The following FAM135A variants were observed in gnomAD, a reference collection of about 807,000 sequenced individuals.
The protein encoded by FAM135A is family with sequence similarity 135 member A, also known as protein FAM135A.
Under a neutral mutation model 146.8 loss-of-function variants are expected in FAM135A, and 79 were observed. The observed-to-expected ratio is 0.54, with a 90% CI of 0.45 to 0.65. FAM135A has a LOEUF of 0.65. FAM135A is among the 30% of genes least tolerant of loss of function. The pLI is 0.00. For synonymous variants in FAM135A, 562 were observed against 603.6 expected (o/e 0.93, Z 1.01); for missense variants, 1,623 against 1,758.2 (o/e 0.92, Z 1.38).
intron 16 of FAM135A, among the ~76,000 whole-genome samples, chr6:70,529,371 G>A (rs1445923281): frequency 6.7e-6 from 1 of 148,290 alleles, no homozygotes; most frequent in Non-Finnish European, 1.5e-5. Flanking sequence ...CTAGATTTTT[G>A]TGGATTATGA....
chr6:70,455,806 G>C (rs1778238194), intron 5 of FAM135A, among the ~76,000 whole-genome samples: 1 of 150,078 alleles, frequency 6.7e-6, no homozygotes, highest in Admixed American at 6.6e-5. Context: ...AGATATGTTT[G>C]TTCCTTATTA....
chr6:70,417,361 A>G (rs1767794745), intron 2 of FAM135A, among the ~76,000 whole-genome samples: 1 of 150,900 alleles, frequency 6.6e-6, no homozygotes, highest in Non-Finnish European at 1.5e-5. Flanking sequence ...TTACATGCCC[A>G]GGCCACCACA....
At chr6:70,554,858 C>G (rs1800533006) in intron 20 of FAM135A, among the ~76,000 whole-genome samples, 1 of 152,164 alleles carries the variant, frequency 6.6e-6, no homozygotes, top group South Asian at 2.1e-4. Flanking sequence ...AACTCCTGAC[C>G]TCAGGTGATC....
At position 70,486,247 on chromosome 6, in the gene FAM135A, A is replaced by G. The variant is rs756309054; in HGVS notation, c.823+4093A>G. ...AACACAGAAAGACAACCATCTAGGT[A>G]CGTTTACAAATAGCTTAAGTAAATG... On this transcript the variant is annotated intron_variant, in intron 10 of 21. Coordinates refer to ENST00000418814, the MANE Select transcript of FAM135A (RefSeq NM_001162529.3). 8 of 1,613,234 alleles carry G rather than the reference A, an allele frequency of 5.0e-6. No homozygotes were observed. The South Asian group carries it at 5.5e-5, about 11-fold the overall frequency.
chr6:70,437,574 C>G lies in FAM135A; in HGVS notation c.77+9155C>G, dbSNP rs192315165. 3.9e-3 allele frequency among the ~76,000 whole-genome samples: 597 copies of G among 152,072 alleles called. 8 individuals carry two copies. The highest frequency in any genetic ancestry group is 0.014 in the African/African-American group (576 of 41,488). ...AGTTTGCAGGAAAGTTGTAGTGACC[C>G]AAGTATTTTATCTTTTTGTAACAAT... On this transcript the variant is annotated intron_variant, in intron 4 of 21. Coordinates refer to ENST00000418814, the MANE Select transcript of FAM135A (RefSeq NM_001162529.3).
chr6:70,517,045 A>G (rs1027198138), intron 12 of FAM135A, among the ~76,000 whole-genome samples: 1 of 152,186 alleles, frequency 6.6e-6, no homozygotes, highest in Non-Finnish European at 1.5e-5. Flanking sequence ...ATAACTGTGA[A>G]TGTCTATTTT....
chr6:70,445,039 ATTC>A (rs1470229834), intron 4 of FAM135A, among the ~76,000 whole-genome samples: 6 of 152,218 alleles, frequency 3.9e-5, no homozygotes, highest in Non-Finnish European at 5.9e-5. Flanking sequence ...TAGTGTGCAT[ATTC>A]TTTAACTAAA....
intron 5 of FAM135A, among the ~76,000 whole-genome samples, chr6:70,455,893 C>T (rs925914384): frequency 2.6e-5 from 4 of 152,232 alleles, no homozygotes; most frequent in Middle Eastern, 6.8e-3. Context: ...TGCCCTATCG[C>T]CAGGCTGGAG....
chr6:70,487,083 C>CAA (rs34560435), intron 10 of FAM135A, among the ~76,000 whole-genome samples: 1,760 of 39,708 alleles, frequency 0.044, 67 homozygotes, highest in Middle Eastern at 0.095. Context: ...ACTCCCATCT[C>CAA]AAAAAAAAAA....
intron 9 of FAM135A, 88 bp downstream of exon 9, chr6:70,481,115 T>G: frequency 1.6e-6 from 2 of 1,253,272 alleles, no homozygotes; most frequent in African/African-American, 3.1e-5. Context: ...TATTTCTTTT[T>G]TAAATTATTT....
intron 4 of FAM135A, among the ~76,000 whole-genome samples, chr6:70,450,325 A>G (rs936750676): frequency 2.6e-5 from 4 of 152,086 alleles, no homozygotes; most frequent in African/African-American, 9.7e-5. Context: ...TTGGGGTTAT[A>G]TCCAAGAAAT....
intron 2 of FAM135A, among the ~76,000 whole-genome samples, chr6:70,421,192 T>C (rs1028888240): frequency 3.9e-5 from 6 of 151,910 alleles, no homozygotes; most frequent in Non-Finnish European, 5.9e-5. Flanking sequence ...CCCACACTAC[T>C]TTTTTTTAGT....
chr6:70,453,226 C>G (rs1432691494), intron 5 of FAM135A, among the ~76,000 whole-genome samples: 1 of 151,912 alleles, frequency 6.6e-6, no homozygotes, highest in Non-Finnish European at 1.5e-5. Flanking sequence ...TTATGTAAGC[C>G]TAATATGAAT....
At chr6:70,499,570 T>C (rs942405780) in intron 11 of FAM135A, among the ~76,000 whole-genome samples, 11 of 152,218 alleles carry the variant, frequency 7.2e-5, no homozygotes, top group South Asian at 2.1e-4. Context: ...TGTTTCTTCA[T>C]AGTGTCATTG....
intron 1 of FAM135A, chr6:70,413,912 G>A (rs928399590): frequency 1.0e-6 from 1 of 985,256 alleles, no homozygotes; most frequent in Non-Finnish European, 1.2e-6. Context: ...GCGCTCTGAG[G>A]GAGGCGAGGG....
At chr6:70,556,612 A>G in intron 20 of FAM135A, 138 bp from the exon 21 acceptor site, 2 of 550,494 alleles carry the variant, frequency 3.6e-6, no homozygotes, top group South Asian at 3.1e-5. Context: ...ATTTGGAGAA[A>G]GGATCATCAA....
At chr6:70,515,435 G>T (rs1791975346) in intron 12 of FAM135A, among the ~76,000 whole-genome samples, 1 of 152,136 alleles carries the variant, frequency 6.6e-6, no homozygotes, top group Admixed American at 6.6e-5. Flanking sequence ...AAAAAGAAAT[G>T]ATCAGTGAAG....
rs537382260 is a variant in FAM135A at position 70,441,491 on chromosome 6, T to C, written c.78-11001T>C. Among the ~76,000 whole-genome samples the C allele has an allele frequency of 2.6e-5, 4 of 152,290 alleles. No homozygotes were observed. In the East Asian group the frequency reaches 5.8e-4, roughly 22 times the overall value. On this transcript the variant is annotated intron_variant, in intron 4 of 21. Transcript: ENST00000418814. The stretch of plus-strand genomic sequence containing the variant: ...CCCACAGGACAGTCTAAGCAGTGTT[T>C]GATAGTTTTCTTGTTTTCTATTATG...
intron 16 of FAM135A, among the ~76,000 whole-genome samples, chr6:70,531,072 A>G (rs935028719): frequency 6.6e-6 from 1 of 152,232 alleles, no homozygotes; most frequent in Non-Finnish European, 1.5e-5. Context: ...TGCCCTCTTC[A>G]TGAGAATAAT....
Sources: gnomAD v4.1 joint callset for allele counts (sites outside exome capture counted in the v4.1 genomes callset) on GRCh38, gnomAD v4.1.1 for gene constraint, MANE v1.5 for transcripts, NCBI Gene and HGNC (gene_info 2026-07-23, HGNC 2026-07-21) for gene names.